Variants in EIF2AK4 observed in about 807,000 individuals in gnomAD.
EIF2AK4 encodes the protein eukaryotic translation initiation factor 2 alpha kinase 4, also known as eIF-2-alpha kinase GCN2.
Under a neutral mutation model 211.1 loss-of-function variants are expected in EIF2AK4, and 139 were observed. The ratio of observed to expected loss-of-function variants is 0.66; its 90% CI spans 0.57 to 0.76. EIF2AK4 has a LOEUF of 0.76. EIF2AK4 is among the 30% of genes least tolerant of loss of function. The pLI, the probability that EIF2AK4 is intolerant of heterozygous loss-of-function variation, is 0.00. For synonymous variants in EIF2AK4, 710 were observed against 751.3 expected (o/e 0.94, Z 0.90); for missense variants, 1,664 against 2,043.8 (o/e 0.81, Z 3.58).
At chr15:40,030,324 T>G in intron 34 of EIF2AK4, 35 bp from the exon 35 acceptor site, 1 of 1,601,592 alleles carries the variant, frequency 6.2e-7, no homozygotes, top group Non-Finnish European at 8.5e-7. Context: ...TGGGACCAGA[T>G]AAGGCCATAA....
At chr15:39,971,084 G>A (rs2034617987) in intron 9 of EIF2AK4, among the ~76,000 whole-genome samples, 1 of 152,142 alleles carries the variant, frequency 6.6e-6, no homozygotes, top group Non-Finnish European at 1.5e-5. Flanking sequence ...CGTACTACTT[G>A]GGCCGTTGTA....
rs377540305 is a variant in EIF2AK4, at chr15:40,016,710, A to G, written c.3930+38A>G. 13 of 1,600,936 alleles carry G rather than the reference A, an allele frequency of 8.1e-6. No individual in the cohort carries two copies. In the African/African-American group the frequency reaches 1.7e-4, roughly 22 times the overall value. On this transcript the variant is annotated intron_variant, in intron 28 of 38. Coordinates refer to ENST00000263791, the MANE Select transcript of EIF2AK4 (RefSeq NM_001013703.4). Reference sequence around the variant, plus strand: ...TTTGATACTGGCAGTACAAATGTGTAGCATTACTAATAGCACAGGGAGGAA... The same window carrying G: ...TTTGATACTGGCAGTACAAATGTGTGGCATTACTAATAGCACAGGGAGGAA...
chr15:39,995,812 G>A (rs540561655), intron 18 of EIF2AK4, among the ~76,000 whole-genome samples: 2 of 152,254 alleles, frequency 1.3e-5, no homozygotes, highest in African/African-American at 2.4e-5. Flanking sequence ...TTACCACAGC[G>A]AAGCTGACCG....
At chr15:39,950,763 C>T (rs2034298207) in intron 4 of EIF2AK4, among the ~76,000 whole-genome samples, 1 of 152,028 alleles carries the variant, frequency 6.6e-6, no homozygotes, top group Admixed American at 6.6e-5. Context: ...GTGAGATACG[C>T]CACCTGTGAA....
At chr15:40,023,558 C>T (rs770149215) in intron 32 of EIF2AK4, among the ~76,000 whole-genome samples, 4 of 152,170 alleles carry the variant, frequency 2.6e-5, no homozygotes, top group Non-Finnish European at 5.9e-5. Flanking sequence ...TTTTCCATTT[C>T]GTCTGAGTTT....
At chr15:39,977,037 C>T (rs2034708465) in intron 12 of EIF2AK4, 193 bp downstream of exon 12, 5 of 574,286 alleles carry the variant, frequency 8.7e-6, no homozygotes, top group African/African-American at 3.9e-5. Context: ...ACATCCGCCT[C>T]CCGGGCCAGC....
intron 28 of EIF2AK4, 58 bp from the exon 29 acceptor site, chr15:40,017,050 T>C: frequency 1.3e-6 from 2 of 1,588,750 alleles, no homozygotes; most frequent in Non-Finnish European, 1.7e-6. Context: ...TTCAGCATTA[T>C]ATTCCACATT....
intron 7 of EIF2AK4, among the ~76,000 whole-genome samples, chr15:39,963,275 C>A (rs1375546353): frequency 6.6e-6 from 1 of 152,156 alleles, no homozygotes; most frequent in Non-Finnish European, 1.5e-5. Context: ...ATTTCAGATT[C>A]ATGAAGTGAC....
intron 27 of EIF2AK4, among the ~76,000 whole-genome samples, chr15:40,013,800 C>A (rs1257585776): frequency 6.6e-6 from 1 of 152,122 alleles, no homozygotes; most frequent in Non-Finnish European, 1.5e-5. Context: ...ACCCATGGCC[C>A]CTCCCAAATT....
intron 2 of EIF2AK4, among the ~76,000 whole-genome samples, 183 bp downstream of exon 2, chr15:39,939,800 C>T (rs500200): frequency 6.6e-6 from 1 of 151,976 alleles, no homozygotes; most frequent in African/African-American, 2.4e-5. Flanking sequence ...TCATTTTAAG[C>T]CTGTTCATAG....
In EIF2AK4 at chr15:39,976,797, G is replaced by GGACGACGACGACGAC. The variant is rs377237751; in HGVS notation, c.2213_2214insCGACGACGACGACGA (p.Asp737_Glu738insAspAspAspAspAsp). The GGACGACGACGACGAC allele has an allele frequency of 6.4e-7, 1 of 1,574,102 alleles. No individual in the cohort carries two copies. The highest frequency in any genetic ancestry group is 8.6e-7 in the Non-Finnish European group (1 of 1,162,942). On this transcript the variant is annotated inframe_insertion, in exon 12 of 39. Coordinates refer to ENST00000263791, the MANE Select transcript of EIF2AK4 (RefSeq NM_001013703.4). ...CCGGCCCGGGCTCCAGCGATGACGA[G>GGACGACGACGACGAC]GACGACGACGAGGACGAGCACGGTG... is the stretch of plus-strand genomic sequence containing the variant.
chr15:39,987,911 T>A, intron 14 of EIF2AK4, 72 bp from the exon 15 acceptor site: 1 of 1,539,586 alleles, frequency 6.5e-7, no homozygotes, highest in Non-Finnish European at 8.9e-7. Flanking sequence ...TGGAGGATTA[T>A]GTAAATTGCA....
chr15:39,936,932 A>G (rs766231625), intron 1 of EIF2AK4, among the ~76,000 whole-genome samples: 2 of 152,312 alleles, frequency 1.3e-5, no homozygotes, highest in East Asian at 3.9e-4. Flanking sequence ...CTGCCAATAA[A>G]TTCAGGTTAG....
In EIF2AK4 at chr15:39,955,810, A is replaced by G. The variant is rs762548493; in HGVS notation, c.743+42A>G. ...TCTGATCTGGGAGAATGACAGATGT[A>G]GAAGGATTTTACTACATTGAAGATG... On this transcript the variant is annotated intron_variant, in intron 6 of 38. Coordinates refer to ENST00000263791, the MANE Select transcript of EIF2AK4 (RefSeq NM_001013703.4). The G allele has an allele frequency of 3.9e-6, 6 of 1,550,622 alleles. No homozygotes were observed. The African/African-American group carries it at 4.2e-5, about 11-fold the overall frequency.
intron 32 of EIF2AK4, 43 bp downstream of exon 32, chr15:40,022,648 T>TCCACAGGTAAC: frequency 6.3e-7 from 1 of 1,583,840 alleles, no homozygotes; most frequent in Non-Finnish European, 8.7e-7. Flanking sequence ...AGTTAGGTGT[T>TCCACAGGTAAC]ACCTGTGGAG....
At chr15:39,973,771 A>G (rs755299902) in intron 11 of EIF2AK4, 22 bp downstream of exon 11, 9 of 1,612,746 alleles carry the variant, frequency 5.6e-6, no homozygotes, top group Non-Finnish European at 7.6e-6. Flanking sequence ...AGTCATTCCC[A>G]GTCCCCTTTA....
chr15:40,024,402 CCTT>C (rs2035436240), intron 32 of EIF2AK4, among the ~76,000 whole-genome samples: 1 of 129,398 alleles, frequency 7.7e-6, no homozygotes, highest in Non-Finnish European at 1.6e-5. Flanking sequence ...GTTGAGTTTT[CCTT>C]TTTTTTTTTT....
At chr15:40,016,254 G>A (rs1399565980) in intron 27 of EIF2AK4, among the ~76,000 whole-genome samples, 1 of 152,230 alleles carries the variant, frequency 6.6e-6, no homozygotes, top group African/African-American at 2.4e-5. Context: ...AGCATTAAGT[G>A]TGAGTAAATG....
At chr15:39,946,480 T>C (rs143483863) in intron 3 of EIF2AK4, 35 of 679,156 alleles carry the variant, frequency 5.2e-5, no homozygotes, top group Admixed American at 1.9e-4. Context: ...TTGCCTCTTA[T>C]AGATTAGGAG....
Sources: gnomAD v4.1 joint callset for allele counts (sites outside exome capture counted in the v4.1 genomes callset) on GRCh38, gnomAD v4.1.1 for gene constraint, MANE v1.5 for transcripts, NCBI Gene and HGNC (gene_info 2026-07-23, HGNC 2026-07-21) for gene names.